Variants in SAMD4B observed in about 807,000 individuals in gnomAD.
SAMD4B encodes sterile alpha motif domain containing 4B, also known as protein Smaug homolog 2.
In SAMD4B, 5 loss-of-function variants were observed where a neutral mutation model predicts 74.5. The observed-to-expected ratio is 0.07, with a 90% CI of 0.04 to 0.14. The LOEUF is 0.14. Among genes scored for constraint, SAMD4B ranks in the 10% least tolerant of loss-of-function variants. The pLI is 1.00. For synonymous variants in SAMD4B, 373 were observed against 374.9 expected (o/e 1.00, Z 0.06); for missense variants, 608 against 921.8 (o/e 0.66, Z 4.41).
At chr19:39,389,248 C>G, downstream of SAMD4B, 1 of 1,607,768 alleles carries the variant, frequency 6.2e-7, no homozygotes, top group Non-Finnish European at 8.5e-7. The surrounding 1 kb of genome is among the most constrained non-coding windows in gnomAD (Gnocchi z 5.3). Context: ...CACCTAATAT[C>G]TCCACCTTCC....
In SAMD4B at chr19:39,383,099, C is replaced by T; in HGVS notation, c.1973-109C>T. On this transcript the variant is annotated intron_variant, in intron 12 of 13. Transcript: ENST00000610417. This position sits in a 1 kb window ranked among gnomAD's most constrained non-coding sequence, Gnocchi z 4.1. Reference sequence around the variant, plus strand: ...ACCTCCTCCCGTTCTTCCCTCTCCCCCTCCATCTCTCTTGCTCCCTTCCCA... The same window carrying T: ...ACCTCCTCCCGTTCTTCCCTCTCCCTCTCCATCTCTCTTGCTCCCTTCCCA... 3.5e-6 allele frequency: 3 copies of T among 867,184 alleles called. No homozygotes were observed. Among genetic ancestry groups the T allele is most frequent in the South Asian group, 1.3e-5 (1 of 74,248 alleles). 53.7% of individuals were successfully genotyped at this position (867,184 alleles called of 1,614,324 possible). A position where few individuals can be genotyped will look rare whatever the true frequency, so the allele number is the denominator to read the frequency against.
chr19:39,367,254 C>T (rs1246396010), intron 3 of SAMD4B, among the ~76,000 whole-genome samples: 2 of 152,148 alleles, frequency 1.3e-5, no homozygotes, highest in Admixed American at 1.3e-4. Context: ...CTCCTTTGCC[C>T]ATTTCCAAGA....
chr19:39,381,519 C>G (rs1420096542), intron 12 of SAMD4B, among the ~76,000 whole-genome samples: 1 of 152,134 alleles, frequency 6.6e-6, no homozygotes, highest in Non-Finnish European at 1.5e-5. Context: ...GCCCATCAGC[C>G]TACTGGGATT....
At chr19:39,388,486 G>A (rs748731291), downstream of SAMD4B, 45 of 1,614,120 alleles carry the variant, frequency 2.8e-5, 1 homozygote, top group South Asian at 4.9e-4. Context: ...GAGGGCACAG[G>A]TTCAGCCCCA....
rs149585231 is a variant in SAMD4B at position 39,377,746 on chromosome 19, A to G, written c.1366A>G (p.Thr456Ala). The change falls in exon 8 of 14, where the codon ACT (threonine) becomes GCT (alanine). Residue 456 changes from threonine (T) to alanine (A), a missense_variant. Transcript: ENST00000610417. ...NYPPPPAPAP[T>A]DGSEPAPAPV... is the part of the protein sequence containing the mutation. Reference sequence around the variant, plus strand: ...CCCACCTCCACCAGCTCCAGCTCCCACTGATGGCAGTGAGCCTGCCCCGGC... The same window carrying G: ...CCCACCTCCACCAGCTCCAGCTCCCGCTGATGGCAGTGAGCCTGCCCCGGC... The G allele has an allele frequency of 4.2e-5, 67 of 1,614,024 alleles. No individual in the cohort carries two copies. Among genetic ancestry groups the G allele is most frequent in the Non-Finnish European group, 5.3e-5 (62 of 1,180,002 alleles).
In SAMD4B at chr19:39,380,617, A is replaced by T; in HGVS notation, c.1680A>T (p.Ile560=). The T allele has an allele frequency of 6.2e-7, 1 of 1,614,158 alleles. No homozygotes were observed. The highest frequency in any genetic ancestry group is 1.1e-5 in the South Asian group (1 of 91,084). ...CATTCGGCTCCAACTCGCTCCCCAT[A>T]GCTGGCTCTGTGGGGATGGGAGTGG... The part of the protein sequence containing the change: ...GWAFGSNSLP[I]AGSVGMGVAR... Residue 560 remains isoleucine, a synonymous_variant, in exon 11 of 14, where the codon ATA becomes ATT. Coordinates refer to ENST00000610417, the MANE Select transcript of SAMD4B (RefSeq NM_001384574.2).
At position 39,380,032 on chromosome 19, in the gene SAMD4B, A is replaced by G. The variant is rs2077861589; in HGVS notation, c.1597A>G (p.Thr533Ala). 2 of 1,613,846 alleles carry G rather than the reference A, an allele frequency of 1.2e-6. No individual in the cohort carries two copies. Among genetic ancestry groups the G allele is most frequent in the South Asian group, 1.1e-5 (1 of 91,014 alleles). Residue 533 changes from threonine to alanine, a missense_variant, in exon 10 of 14, where the codon ACA (threonine) becomes GCA (alanine). Physicochemically the swap from Thr to Ala is moderately conservative, Grantham distance 58 (BLOSUM62 0). Coordinates refer to ENST00000610417, the MANE Select transcript of SAMD4B (RefSeq NM_001384574.2). ...WKQQVLKLLR[T>A]FPRKAALEMQ... ...ACAGCAAGTGCTGAAGCTCCTCCGG[A>G]CATTCCCGCGCAAAGCCGCACTAGA...
rs1384909119 is a variant in SAMD4B, at chr19:39,369,798, G to A, written c.340G>A (p.Glu114Lys). 4.3e-6 allele frequency: 7 copies of A among 1,614,214 alleles called. No individual in the cohort carries two copies. The highest frequency in any genetic ancestry group is 2.2e-5 in the South Asian group (2 of 91,084). Residue 114 changes from glutamate (E) to lysine (K), a missense_variant, in exon 4 of 14, where the codon GAG (glutamate) becomes AAG (lysine). Glu to Lys is a moderately conservative substitution (Grantham distance 56). Transcript: ENST00000610417. Reference sequence around the variant, plus strand: ...GCAGAAAGTGCTGGCCTACTCAATCGAGAGCAATGCTTTCATCGAGGAGAG... The same window carrying A: ...GCAGAAAGTGCTGGCCTACTCAATCAAGAGCAATGCTTTCATCGAGGAGAG... ...LLQKVLAYSI[E>K]SNAFIEESRQ...
Position 39,385,553 on chromosome 19 carries a change from A to G in SAMD4B, c.*2026A>G. ...CTCCATGATTTCACCCTCCCTACCC[A>G]CTTCTGTCCCCGGCCCCACTGGCAG... On this transcript the variant is annotated 3_prime_UTR_variant, in exon 14 of 14. Coordinates refer to ENST00000610417, the MANE Select transcript of SAMD4B (RefSeq NM_001384574.2). 1 of 478,430 alleles carries G rather than the reference A, an allele frequency of 2.1e-6. No individual in the cohort carries two copies. Among genetic ancestry groups the G allele is most frequent in the South Asian group, 4.4e-5 (1 of 22,536 alleles). 29.6% of individuals were successfully genotyped at this position (478,430 alleles called of 1,614,324 possible).
chr19:39,345,641 G>T (rs1006404051), intron 1 of SAMD4B, among the ~76,000 whole-genome samples: 1 of 152,138 alleles, frequency 6.6e-6, no homozygotes, highest in South Asian at 2.1e-4. Context: ...AGATTTTAAT[G>T]TACTTGTCCA....
intron 1 of SAMD4B, chr19:39,351,660 T>A (rs1403421725): frequency 6.6e-6 from 1 of 152,060 alleles, no homozygotes; most frequent in Non-Finnish European, 1.5e-5. Context: ...TGTGAACAGA[T>A]CTCCCTTTCC....
chr19:39,387,883 A>G (rs745716004), downstream of SAMD4B, among the ~76,000 whole-genome samples: 81 of 152,152 alleles, frequency 5.3e-4, 1 homozygote, highest in Non-Finnish European at 1.9e-4. Flanking sequence ...CACACCTGTA[A>G]TCCCAGCACT....
At chr19:39,374,079 C>T (rs887882611) in intron 4 of SAMD4B, among the ~76,000 whole-genome samples, 2 of 151,948 alleles carry the variant, frequency 1.3e-5, no homozygotes, top group African/African-American at 4.8e-5. Context: ...ACCAGCCTGA[C>T]CAATATAGTG....
chr19:39,382,792 C>G (rs1400712650), intron 12 of SAMD4B, among the ~76,000 whole-genome samples: 4 of 152,140 alleles, frequency 2.6e-5, no homozygotes, highest in African/African-American at 9.7e-5. Flanking sequence ...CAAGTGGGGA[C>G]AGGAAGGGTT....
rs745708426 is a variant in SAMD4B at position 39,379,973 on chromosome 19, C to T, written c.1538C>T (p.Thr513Met). 20 of 1,613,378 alleles carry T rather than the reference C, an allele frequency of 1.2e-5. No homozygotes were observed. The Admixed American group carries it at 1.8e-4, about 15-fold the overall frequency. ...IEKCLTHEAF[T>M]ETQKKRLLSW... The stretch of plus-strand genomic sequence containing the variant: ...GTGTCCTGCCAATTCTAGGCTTTCA[C>T]GGAGACGCAGAAGAAACGGCTGCTA... The change falls in exon 10 of 14, where the codon ACG becomes ATG. Residue 513 changes from threonine to methionine, a missense_variant. Physicochemically the swap from Thr to Met is moderately conservative, Grantham distance 81 (BLOSUM62 -1). Coordinates refer to ENST00000610417, the MANE Select transcript of SAMD4B (RefSeq NM_001384574.2).
rs961330342 is a variant in SAMD4B, at chr19:39,385,671, GAA to G, written c.*2155_*2156del. On this transcript the variant is annotated 3_prime_UTR_variant, in exon 14 of 14. Transcript: ENST00000610417. ...TGTTTAATGGTCTGGGCTTATTTTG[GAA>G]AAAAAAAAAACAAACAAAAAAAACG... 17 of 447,534 alleles carry G rather than the reference GAA, an allele frequency of 3.8e-5. No individual in the cohort carries two copies. Among genetic ancestry groups the G allele is most frequent in the Middle Eastern group, 5.8e-4 (1 of 1,724 alleles). The allele number at this position is 447,534 out of a possible 1,614,324, so 27.7% of individuals were successfully genotyped here. A position where few individuals can be genotyped will look rare whatever the true frequency, so the allele number is the denominator to read the frequency against.
In SAMD4B at chr19:39,384,903, CA is replaced by C. The variant is rs772292411; in HGVS notation, c.*1384del. 664 of 146,406 alleles carry C rather than the reference CA, an allele frequency of 4.5e-3. 2 individuals carry two copies. Among genetic ancestry groups the C allele is most frequent in the Admixed American group, 0.011 (160 of 14,810 alleles). 9.1% of individuals were successfully genotyped at this position (146,406 alleles called of 1,614,324 possible). On this transcript the variant is annotated 3_prime_UTR_variant, in exon 14 of 14. Transcript: ENST00000610417. ...AAGATACAAAATGTTGGGAAAAAAA[CA>C]AAAAAAACAAAAAAAAAAAAAATTT...
chr19:39,370,145 C>A lies in SAMD4B; in HGVS notation c.667+20C>A. The A allele has an allele frequency of 6.4e-7, 1 of 1,558,822 alleles. No individual in the cohort carries two copies. On this transcript the variant is annotated intron_variant, in intron 4 of 13. Transcript: ENST00000610417. ...ACACAGGTAAGTGGCGGGGGTGTCC[C>A]AGAAGGCCATGCCTACTTGAAAAAG... is the stretch of plus-strand genomic sequence containing the variant.
intron 2 of SAMD4B, among the ~76,000 whole-genome samples, chr19:39,354,904 T>G (rs30453): frequency 0.28 from 43,128 of 152,090 alleles, 11,776 homozygotes; most frequent in African/African-American, 0.72. Flanking sequence ...AGGCAGAGTT[T>G]CCCTGTCACC....
Sources: allele counts gnomAD v4.1 joint callset (sites outside exome capture counted in the v4.1 genomes callset), GRCh38; gene constraint gnomAD v4.1.1; non-coding constraint Gnocchi (gnomAD v3.1); transcripts MANE v1.5; gene names NCBI Gene and HGNC (gene_info 2026-07-23, HGNC 2026-07-21).